The following INVS variants were observed in gnomAD, a reference collection of about 807,000 sequenced individuals.
The protein encoded by INVS is inversion of embryo turning homolog.
A neutral mutation model predicts 108.8 loss-of-function variants in INVS; 86 were observed. The ratio of observed to expected loss-of-function variants is 0.79; its 90% CI spans 0.66 to 0.95. INVS has a LOEUF of 0.95. INVS is among the 40% of genes least tolerant of loss of function. The pLI is 0.00. For missense variants in INVS, 1,169 were observed against 1,297.4 expected, an observed-to-expected ratio of 0.90 and a Z score of 1.52; for synonymous variants, 455 against 473.5, an observed-to-expected ratio of 0.96 and a Z score of 0.51.
At chr9:100,166,312 C>G (rs1464578439) in intron 3 of INVS, among the ~76,000 whole-genome samples, 1 of 152,208 alleles carries the variant, frequency 6.6e-6, no homozygotes, top group South Asian at 2.1e-4. Flanking sequence ...AGTTCAAGAC[C>G]AGCCCTGGCA....
intron 7 of INVS, among the ~76,000 whole-genome samples, chr9:100,243,385 C>T (rs943083846): frequency 6.6e-6 from 1 of 152,172 alleles, no homozygotes; most frequent in African/African-American, 2.4e-5. Flanking sequence ...CAAGTGCCTG[C>T]TGTATACCTT....
intron 2 of INVS, among the ~76,000 whole-genome samples, chr9:100,106,029 C>A: frequency 1.3e-5 from 2 of 152,178 alleles, no homozygotes; most frequent in Middle Eastern, 6.8e-3. Flanking sequence ...CATCATACCA[C>A]ATTTTTTCTG....
intron 16 of INVS, among the ~76,000 whole-genome samples, chr9:100,298,894 C>A (rs1049710967): frequency 2.0e-5 from 3 of 152,070 alleles, no homozygotes; most frequent in Admixed American, 6.5e-5. Flanking sequence ...AACAAAAAAA[C>A]CCCTTTCATT....
chr9:100,278,521 C>T (rs1183295640), intron 12 of INVS, among the ~76,000 whole-genome samples: 1 of 152,162 alleles, frequency 6.6e-6, no homozygotes, highest in Non-Finnish European at 1.5e-5. Flanking sequence ...TTCTTGAGAA[C>T]AGGGACTGTG....
chr9:100,255,781 A>G (rs952664533), intron 10 of INVS, among the ~76,000 whole-genome samples: 3 of 152,182 alleles, frequency 2.0e-5, no homozygotes, highest in Non-Finnish European at 2.9e-5. Context: ...ATCATGGTGG[A>G]TAAGCTTTTT....
At position 100,111,775 on chromosome 9, in the gene INVS, A is replaced by G. The variant is rs866164346; in HGVS notation, c.106+7148A>G. 9.2e-5 allele frequency among the ~76,000 whole-genome samples: 14 copies of G among 152,060 alleles called. 1 individual carries two copies. Among genetic ancestry groups the G allele is most frequent in the Admixed American group, 3.9e-4 (6 of 15,270 alleles). On this transcript the variant is annotated intron_variant, in intron 2 of 16. Transcript: ENST00000262457. ...ATTGGACAAGTATTAGCTGAATGTT[A>G]TAAGTGAGGAAACTAAGGAAGAGAG... is the stretch of plus-strand genomic sequence containing the variant.
chr9:100,196,739 G>T (rs75546768), intron 3 of INVS, among the ~76,000 whole-genome samples: 1 of 149,030 alleles, frequency 6.7e-6, no homozygotes, highest in African/African-American at 2.5e-5. Flanking sequence ...TTACCTAATT[G>T]TATACATAGT....
At chr9:100,137,760 A>G (rs569715138) in intron 3 of INVS, among the ~76,000 whole-genome samples, 24 of 152,350 alleles carry the variant, frequency 1.6e-4, no homozygotes, top group African/African-American at 5.8e-4. Flanking sequence ...TGAAAACCAT[A>G]TAAATAATCT....
At chr9:100,144,629 G>A (rs898858531) in intron 3 of INVS, among the ~76,000 whole-genome samples, 1 of 152,148 alleles carries the variant, frequency 6.6e-6, no homozygotes, top group Admixed American at 6.5e-5. Flanking sequence ...TGGGCAGGTA[G>A]GGGAGGGCTA....
chr9:100,265,469 A>G (rs1036874107), intron 11 of INVS, among the ~76,000 whole-genome samples: 4 of 152,234 alleles, frequency 2.6e-5, no homozygotes, highest in Non-Finnish European at 1.5e-5. Flanking sequence ...TGCCTAGGGC[A>G]AGCATGTATT....
intron 3 of INVS, among the ~76,000 whole-genome samples, chr9:100,168,525 A>G (rs1187741268): frequency 1.3e-5 from 2 of 152,154 alleles, no homozygotes; most frequent in Non-Finnish European, 2.9e-5. Flanking sequence ...GTGACAAATA[A>G]TCAATAGCTG....
At chr9:100,228,398 T>A (rs1588105273) in intron 4 of INVS, among the ~76,000 whole-genome samples, 1 of 152,234 alleles carries the variant, frequency 6.6e-6, no homozygotes, top group South Asian at 2.1e-4. Context: ...TAATAATTTA[T>A]CCTCTAAAAT....
intron 3 of INVS, among the ~76,000 whole-genome samples, chr9:100,204,859 C>G (rs1170637956): frequency 6.6e-6 from 1 of 151,680 alleles, no homozygotes; most frequent in Non-Finnish European, 1.5e-5. Flanking sequence ...TGGTCATTAC[C>G]TACTTAGCTA....
chr9:100,295,978 C>A (rs956438494), intron 14 of INVS, among the ~76,000 whole-genome samples: 1 of 152,162 alleles, frequency 6.6e-6, no homozygotes, highest in African/African-American at 2.4e-5. Flanking sequence ...GTGTTACCCT[C>A]CAGGACAGAA....
At chr9:100,213,014 C>T (rs1830879728) in intron 3 of INVS, among the ~76,000 whole-genome samples, 2 of 152,138 alleles carry the variant, frequency 1.3e-5, no homozygotes, top group Non-Finnish European at 2.9e-5. Context: ...GGCCTGCTTC[C>T]TGGTTCATAG....
chr9:100,173,590 A>G (rs768667695), intron 3 of INVS, among the ~76,000 whole-genome samples: 1 of 152,102 alleles, frequency 6.6e-6, no homozygotes, highest in African/African-American at 2.4e-5. Context: ...TTAGCTGGGC[A>G]TGGTGGTGCA....
At chr9:100,261,695 A>G (rs62578321) in intron 10 of INVS, among the ~76,000 whole-genome samples, 2 of 152,236 alleles carry the variant, frequency 1.3e-5, no homozygotes, top group Non-Finnish European at 1.5e-5. Flanking sequence ...GATTGTCTAC[A>G]TAAGCAATCA....
intron 3 of INVS, among the ~76,000 whole-genome samples, chr9:100,161,458 G>A (rs1336735901): frequency 1.3e-5 from 2 of 149,988 alleles, no homozygotes; most frequent in Non-Finnish European, 2.9e-5. Flanking sequence ...TTGTCAGTCT[G>A]CCAGAAGTGG....
At chr9:100,163,998 CAA>C (rs1829275853) in intron 3 of INVS, among the ~76,000 whole-genome samples, 1 of 152,076 alleles carries the variant, frequency 6.6e-6, no homozygotes, top group Admixed American at 6.6e-5. Flanking sequence ...GATGGACTGT[CAA>C]AGGATGAAAG....
Sources: allele counts gnomAD v4.1 joint callset (sites outside exome capture counted in the v4.1 genomes callset), GRCh38; gene constraint gnomAD v4.1.1; transcripts MANE v1.5; gene names NCBI Gene and HGNC (gene_info 2026-07-23, HGNC 2026-07-21).